The following PCDH11Y variants were observed in gnomAD, a reference collection of about 807,000 sequenced individuals.
PCDH11Y encodes the protein protocadherin-11 Y-linked.
For missense variants in PCDH11Y, 12 were observed against 224.8 expected (o/e 0.05, Z 6.05); for synonymous variants, 9 against 83.6 (o/e 0.11, Z 4.87).
At chrY:5,400,108 G>A (rs2124676900) in intron 2 of PCDH11Y, among the ~76,000 whole-genome samples, 1 of 33,330 alleles carries the variant, frequency 3.0e-5, no homozygotes, top group East Asian at 8.0e-4. Flanking sequence ...TATTGACAGC[G>A]AGCCAGTGAT....
At chrY:5,055,859 T>A, upstream of PCDH11Y, among the ~76,000 whole-genome samples, 1 of 31,170 alleles carries the variant, frequency 3.2e-5, no homozygotes, top group African/African-American at 1.2e-4. Flanking sequence ...AACTCGGTAC[T>A]GTTTTTAAAT....
intron 2 of PCDH11Y, among the ~76,000 whole-genome samples, chrY:5,326,944 C>T (rs2053121936): frequency 3.0e-5 from 1 of 32,936 alleles, no homozygotes; most frequent in African/African-American, 1.2e-4. Context: ...CTACAGGGTG[C>T]AGTCCTGGCT....
intron 2 of PCDH11Y, among the ~76,000 whole-genome samples, chrY:5,136,286 C>T (rs2052840753): frequency 6.3e-5 from 2 of 31,907 alleles, no homozygotes; most frequent in African/African-American, 2.5e-4. Context: ...GGGGAGAGCA[C>T]GACATCAAGG....
intron 4 of PCDH11Y, among the ~76,000 whole-genome samples, chrY:5,668,964 T>C: frequency 3.2e-5 from 1 of 31,322 alleles, no homozygotes; most frequent in African/African-American, 1.2e-4. Context: ...AACAAAGTCA[T>C]CTCACTGAAA....
At chrY:5,101,967 G>A, downstream of PCDH11Y, among the ~76,000 whole-genome samples, 1 of 33,279 alleles carries the variant, frequency 3.0e-5, no homozygotes, top group South Asian at 6.5e-4. Context: ...AAGCATAAGC[G>A]CAGTTATATA....
At chrY:5,058,960 C>A in intron 1 of PCDH11Y, among the ~76,000 whole-genome samples, 1 of 32,650 alleles carries the variant, frequency 3.1e-5, no homozygotes. Context: ...CTACTTTCAG[C>A]TTAATCTTTT....
intron 4 of PCDH11Y, among the ~76,000 whole-genome samples, chrY:5,642,114 T>A: frequency 3.0e-5 from 1 of 32,967 alleles, no homozygotes; most frequent in African/African-American, 1.2e-4. Flanking sequence ...GAACTTTACA[T>A]CACTTGGATG....
At chrY:5,414,912 T>G in intron 2 of PCDH11Y, among the ~76,000 whole-genome samples, 1 of 32,033 alleles carries the variant, frequency 3.1e-5, no homozygotes, top group South Asian at 7.4e-4. Context: ...TACAGGTGCC[T>G]GCCACCATGC....
At position 5,172,368 on chromosome Y, in the gene PCDH11Y, C is replaced by G. The variant is rs200734028; in HGVS notation, c.3129+71661C>G. Among the ~76,000 whole-genome samples the G allele has an allele frequency of 7.2e-4, 23 of 31,991 alleles. No homozygotes were observed. In the East Asian group the frequency reaches 0.018, roughly 25 times the overall value. The allele number at this position is 31,991 out of a possible 37,273, so 85.8% of individuals were successfully genotyped here. ...CAACAGACTTCTTGCTGAAGACAGGCCAGGATGATAAGATATAGAAGGTGA... is the reference window on the plus strand; with the variant it reads ...CAACAGACTTCTTGCTGAAGACAGGGCAGGATGATAAGATATAGAAGGTGA... On this transcript the variant is annotated intron_variant, in intron 2 of 4. Transcript: ENST00000400457.
chrY:5,547,858 G>A (rs2053414776), intron 3 of PCDH11Y, among the ~76,000 whole-genome samples: 3 of 31,810 alleles, frequency 9.4e-5, no homozygotes, highest in African/African-American at 3.7e-4. Flanking sequence ...GTATTAGTCC[G>A]TTTTCATGCC....
intron 2 of PCDH11Y, among the ~76,000 whole-genome samples, chrY:5,357,251 G>GTATATATATATATA: frequency 3.3e-4 from 5 of 15,245 alleles, no homozygotes; most frequent in African/African-American, 1.4e-3. Context: ...ATATATATAC[G>GTATATATATATATA]TATATATATA....
intron 2 of PCDH11Y, among the ~76,000 whole-genome samples, chrY:5,433,054 T>G (rs2124680775): frequency 5.1e-4 from 17 of 33,327 alleles, no homozygotes; most frequent in Admixed American, 1.1e-3. Flanking sequence ...CATGAAAAAG[T>G]CTTATTTGTT....
chrY:5,516,623 T>TG (rs2053373004), intron 3 of PCDH11Y, among the ~76,000 whole-genome samples: 1 of 32,931 alleles, frequency 3.0e-5, no homozygotes. Flanking sequence ...CATTTACGTT[T>TG]TTTTGTTTGT....
At chrY:5,044,933 T>C (rs2052630405) in intron 3 of PCDH11Y, among the ~76,000 whole-genome samples, 5 of 33,085 alleles carry the variant, frequency 1.5e-4, no homozygotes, top group Admixed American at 5.6e-4. Flanking sequence ...AGGATTGCAA[T>C]CCCTGCCTTT....
At chrY:5,125,122 T>C in intron 2 of PCDH11Y, among the ~76,000 whole-genome samples, 1 of 33,605 alleles carries the variant, frequency 3.0e-5, no homozygotes, top group South Asian at 6.5e-4. Context: ...ATTTCACTTA[T>C]GGGGAAAATG....
At position 5,674,967 on chromosome Y, in the gene PCDH11Y, CA is replaced by C. The variant is rs2053552365; in HGVS notation, c.3353-62301del. On this transcript the variant is annotated intron_variant, in intron 4 of 4. Coordinates refer to the PCDH11Y transcript ENST00000400457. ...TTCTCTGATTAAAAGAATTATTGAT[CA>C]AAAGTCTTATTTCATAAGCTATTAT... Among the ~76,000 whole-genome samples the C allele has an allele frequency of 3.9e-4, 13 of 33,722 alleles. No homozygotes were observed. In the East Asian group the frequency reaches 0.01, roughly 27 times the overall value. The allele number at this position is 33,722 out of a possible 37,273, so 90.5% of individuals were successfully genotyped here. A position where few individuals can be genotyped will look rare whatever the true frequency, so the allele number is the denominator to read the frequency against.
At chrY:5,729,223 A>G in intron 4 of PCDH11Y, among the ~76,000 whole-genome samples, 2 of 33,501 alleles carry the variant, frequency 6.0e-5, no homozygotes, top group Non-Finnish European at 1.5e-4. Flanking sequence ...GGCTGAATTA[A>G]TTTACATTCC....
chrY:5,338,015 T>C, intron 2 of PCDH11Y: 1 of 353,966 alleles, frequency 2.8e-6, no homozygotes, highest in Non-Finnish European at 4.1e-6. Flanking sequence ...AGAATGAAAC[T>C]CCCTCATGAT....
At chrY:5,398,618 A>G in intron 2 of PCDH11Y, among the ~76,000 whole-genome samples, 3 of 32,341 alleles carry the variant, frequency 9.3e-5, no homozygotes, top group Non-Finnish European at 2.3e-4. Context: ...GTGTCCAGTT[A>G]TTAGACATTA....
Sources: allele counts gnomAD v4.1 joint callset (sites outside exome capture counted in the v4.1 genomes callset), GRCh38; gene constraint gnomAD v4.1.1; transcripts MANE v1.5; gene names NCBI Gene and HGNC (gene_info 2026-07-23, HGNC 2026-07-21).